LAMA2: variants seen among roughly 807,000 people sequenced by gnomAD.
LAMA2 encodes laminin subunit alpha-2.
In LAMA2, 269 loss-of-function variants were observed where a neutral mutation model predicts 364.8. That is an observed-to-expected ratio of 0.74 (90% CI 0.67 to 0.82). The LOEUF (loss-of-function observed/expected upper bound fraction) is 0.82, where lower values mean the gene tolerates loss of function less well. LAMA2 is among the 40% of genes least tolerant of loss of function. LAMA2 has a pLI of 0.00. For missense variants in LAMA2, 3,807 were observed against 3,873.2 expected, an observed-to-expected ratio of 0.98 and a Z score of 0.45; for synonymous variants, 1,379 against 1,370.6, an observed-to-expected ratio of 1.01 and a Z score of -0.14.
chr6:129,515,905 C>T (rs749062837), intron 64 of LAMA2, among the ~76,000 whole-genome samples: 23 of 151,956 alleles, frequency 1.5e-4, no homozygotes, highest in African/African-American at 2.2e-4. Context: ...CTGGGCAACA[C>T]GGCGAAGGGA....
chr6:129,430,410 G>C (rs747559484), intron 41 of LAMA2, among the ~76,000 whole-genome samples: 27 of 152,122 alleles, frequency 1.8e-4, no homozygotes, highest in Non-Finnish European at 3.2e-4. Flanking sequence ...TTTTTATGCT[G>C]TCCTTGCCTT....
intron 1 of LAMA2, among the ~76,000 whole-genome samples, chr6:128,921,063 A>G (rs953963808): frequency 1.3e-5 from 2 of 152,188 alleles, no homozygotes; most frequent in Non-Finnish European, 2.9e-5. Flanking sequence ...TGAAACGCGT[A>G]TCTTGCCTGC....
At chr6:129,096,514 C>A (rs2114869767) in intron 3 of LAMA2, among the ~76,000 whole-genome samples, 1 of 152,304 alleles carries the variant, frequency 6.6e-6, no homozygotes, top group East Asian at 1.9e-4. Flanking sequence ...TGTCTATCTG[C>A]AGTTATACCT....
intron 1 of LAMA2, among the ~76,000 whole-genome samples, chr6:128,955,037 T>C (rs1386827684): frequency 6.6e-6 from 1 of 151,754 alleles, no homozygotes; most frequent in African/African-American, 2.4e-5. Flanking sequence ...ATAACAATTA[T>C]TATTGAGATG....
At chr6:129,242,474 T>C (rs1283154732) in intron 12 of LAMA2, among the ~76,000 whole-genome samples, 1 of 152,186 alleles carries the variant, frequency 6.6e-6, no homozygotes, top group African/African-American at 2.4e-5. Flanking sequence ...TTGTATATTA[T>C]GAGCGTGTGG....
chr6:128,984,680 A>G (rs1280030313), intron 1 of LAMA2, among the ~76,000 whole-genome samples: 1 of 150,962 alleles, frequency 6.6e-6, no homozygotes, highest in African/African-American at 2.4e-5. Context: ...TGCAATGGGA[A>G]GAGAGATTTC....
At chr6:129,163,249 C>A (rs566349970) in intron 8 of LAMA2, among the ~76,000 whole-genome samples, 1 of 151,822 alleles carries the variant, frequency 6.6e-6, no homozygotes, top group African/African-American at 2.4e-5. Context: ...TTTTTTCTTT[C>A]TCCGTTCTTT....
intron 12 of LAMA2, among the ~76,000 whole-genome samples, chr6:129,248,040 G>A (rs1336300156): frequency 6.6e-6 from 1 of 152,134 alleles, no homozygotes; most frequent in African/African-American, 2.4e-5. Flanking sequence ...GGCACAACAG[G>A]AGGTAAGCAT....
chr6:129,246,151 A>G (rs950931359), intron 12 of LAMA2, among the ~76,000 whole-genome samples: 4 of 152,166 alleles, frequency 2.6e-5, no homozygotes, highest in Non-Finnish European at 5.9e-5. Context: ...CCTTTGGGGT[A>G]GTATATACCT....
chr6:129,040,486 G>T (rs1399324131), intron 1 of LAMA2, among the ~76,000 whole-genome samples: 1 of 152,054 alleles, frequency 6.6e-6, no homozygotes, highest in South Asian at 2.1e-4. Flanking sequence ...GAAATTAGCT[G>T]TATGTGATGG....
At chr6:128,919,680 C>G (rs529925701) in intron 1 of LAMA2, among the ~76,000 whole-genome samples, 1 of 152,158 alleles carries the variant, frequency 6.6e-6, no homozygotes, top group Non-Finnish European at 1.5e-5. Flanking sequence ...GTTTGTTGTA[C>G]TTCAGCTAGG....
intron 3 of LAMA2, among the ~76,000 whole-genome samples, chr6:129,092,685 C>T (rs1262398787): frequency 6.6e-6 from 1 of 152,180 alleles, no homozygotes; most frequent in Admixed American, 6.5e-5. Flanking sequence ...GGAGGCGGAG[C>T]TCAACATTGA....
intron 12 of LAMA2, among the ~76,000 whole-genome samples, chr6:129,240,840 G>A (rs982611633): frequency 1.1e-4 from 16 of 152,200 alleles, no homozygotes; most frequent in Non-Finnish European, 1.6e-4. Flanking sequence ...GCTGGGAAAA[G>A]TAATGCCATA....
chr6:129,456,506 A>T lies in LAMA2; in HGVS notation c.6867+12A>T. The T allele has an allele frequency of 5.6e-6, 9 of 1,609,480 alleles. No individual in the cohort carries two copies. The highest frequency in any genetic ancestry group is 7.7e-6 in the Non-Finnish European group (9 of 1,175,888). ...CTGGGAAATTAAAGGTAATGTGTTC[A>T]TCCTCCTCCTGTTTATTTCATCTTT... On this transcript the variant is annotated intron_variant, in intron 48 of 64. Transcript: ENST00000421865.
intron 8 of LAMA2, among the ~76,000 whole-genome samples, chr6:129,164,374 C>T (rs964312984): frequency 1.3e-4 from 20 of 152,160 alleles, no homozygotes; most frequent in East Asian, 3.8e-4. Context: ...TTAATATTTT[C>T]GAACTGTGGT....
intron 27 of LAMA2, among the ~76,000 whole-genome samples, chr6:129,317,423 C>T (rs905352906): frequency 1.3e-5 from 2 of 152,120 alleles, no homozygotes; most frequent in African/African-American, 2.4e-5. Context: ...AATAAGCACA[C>T]AAGACAGCAG....
chr6:129,168,361 C>A (rs979651713), intron 9 of LAMA2, among the ~76,000 whole-genome samples: 32 of 151,784 alleles, frequency 2.1e-4, no homozygotes, highest in Non-Finnish European at 4.1e-4. Flanking sequence ...AGGAAGGGAT[C>A]CAGTTTCAGC....
chr6:128,930,912 C>A (rs1779432590), intron 1 of LAMA2, among the ~76,000 whole-genome samples: 1 of 152,206 alleles, frequency 6.6e-6, no homozygotes, highest in South Asian at 2.1e-4. Flanking sequence ...CACTTTCTAA[C>A]ACGTTCGCTT....
intron 15 of LAMA2, among the ~76,000 whole-genome samples, chr6:129,266,736 G>T (rs902225545): frequency 3.3e-5 from 5 of 152,088 alleles, no homozygotes; most frequent in African/African-American, 1.2e-4. Flanking sequence ...AAGACTATAT[G>T]ATGAGTCCTT....
Sources: allele counts gnomAD v4.1 joint callset (sites outside exome capture counted in the v4.1 genomes callset), GRCh38; gene constraint gnomAD v4.1.1; transcripts MANE v1.5; gene names NCBI Gene and HGNC (gene_info 2026-07-23, HGNC 2026-07-21).